The following PDE3A variants were observed in gnomAD, a reference collection of about 807,000 sequenced individuals.
The protein encoded by PDE3A is phosphodiesterase 3A.
PDE3A carries 43 observed loss-of-function variants against 98.3 expected under a neutral mutation model. That is an observed-to-expected ratio of 0.44 (90% CI 0.34 to 0.56). PDE3A has a LOEUF of 0.56. Among genes scored for constraint, PDE3A ranks in the 20% least tolerant of loss-of-function variants. The pLI, the probability that PDE3A is intolerant of heterozygous loss-of-function variation, is 0.01. For synonymous variants in PDE3A, 663 were observed against 567.9 expected, an observed-to-expected ratio of 1.17 and a Z score of -2.38; for missense variants, 1,427 against 1,440.7, an observed-to-expected ratio of 0.99 and a Z score of 0.15.
At chr12:20,554,858 G>A (rs1413202205) in intron 1 of PDE3A, among the ~76,000 whole-genome samples, 1 of 151,866 alleles carries the variant, frequency 6.6e-6, no homozygotes, top group Non-Finnish European at 1.5e-5. Flanking sequence ...AAATATTTTT[G>A]ATGTTTTCTT....
At chr12:20,449,923 G>T in intron 1 of PDE3A, 1 of 802,988 alleles carries the variant, frequency 1.2e-6, no homozygotes, top group Non-Finnish European at 2.0e-6. Context: ...GAACTCTGCT[G>T]GAAAGTTGAT....
chr12:20,516,010 G>C (rs962029734), intron 1 of PDE3A, among the ~76,000 whole-genome samples: 9 of 151,066 alleles, frequency 6.0e-5, no homozygotes, highest in African/African-American at 2.2e-4. Flanking sequence ...GGGATTACAG[G>C]CGTGAGCCAC....
intron 2 of PDE3A, among the ~76,000 whole-genome samples, chr12:20,583,383 A>G (rs1025887359): frequency 2.0e-5 from 3 of 152,244 alleles, no homozygotes; most frequent in Admixed American, 6.5e-5. Context: ...AGTGATTTCT[A>G]TACTGACCTC....
chr12:20,525,198 G>T (rs893602307), intron 1 of PDE3A, among the ~76,000 whole-genome samples: 3 of 152,124 alleles, frequency 2.0e-5, no homozygotes, highest in Non-Finnish European at 4.4e-5. Flanking sequence ...TTCTCCCTGT[G>T]CGTCAGTTTC....
At chr12:20,557,608 TG>T (rs1942403972) in intron 2 of PDE3A, among the ~76,000 whole-genome samples, 1 of 152,212 alleles carries the variant, frequency 6.6e-6, no homozygotes, top group African/African-American at 2.4e-5. Context: ...TTCTCCCAAG[TG>T]TTTACAAAGC....
intron 1 of PDE3A, among the ~76,000 whole-genome samples, chr12:20,438,442 T>C (rs1009730438): frequency 1.3e-5 from 2 of 152,210 alleles, no homozygotes; most frequent in Non-Finnish European, 2.9e-5. Context: ...TATTTTCAGA[T>C]GTTGACATTG....
intron 1 of PDE3A, among the ~76,000 whole-genome samples, chr12:20,373,231 A>G (rs1221188917): frequency 2.0e-5 from 3 of 152,022 alleles, no homozygotes; most frequent in Non-Finnish European, 4.4e-5. Context: ...TTTGTAGATG[A>G]GTGTGTCAAA....
rs531463560 is a variant in PDE3A at position 20,488,906 on chromosome 12, A to T, written c.961-67754A>T. On this transcript the variant is annotated intron_variant, in intron 1 of 15. Coordinates refer to ENST00000359062, the MANE Select transcript of PDE3A (RefSeq NM_000921.5). ...AAAAAAAAAAAAAAAGAGAAAAAGA[A>T]GCAGTTCCCCTAATGATTCTGGATC... is the stretch of plus-strand genomic sequence containing the variant. Among the ~76,000 whole-genome samples, 13 of 151,766 alleles carry T rather than the reference A, an allele frequency of 8.6e-5. No individual in the cohort carries two copies. The South Asian group carries it at 2.5e-3, about 29-fold the overall frequency.
At chr12:20,396,911 G>T (rs147900317) in intron 1 of PDE3A, among the ~76,000 whole-genome samples, 390 of 152,140 alleles carry the variant, frequency 2.6e-3, no homozygotes, top group African/African-American at 8.2e-3. Context: ...GAAGTGGTCA[G>T]AAAGCCTGGA....
At chr12:20,592,438 A>G (rs1943361815) in intron 2 of PDE3A, among the ~76,000 whole-genome samples, 1 of 152,130 alleles carries the variant, frequency 6.6e-6, no homozygotes, top group Non-Finnish European at 1.5e-5. Context: ...TCAAACGACT[A>G]TGCTAGCAAT....
At position 20,639,869 on chromosome 12, in the gene PDE3A, C is replaced by T; in HGVS notation, c.2163C>T (p.Asp721=). The T allele has an allele frequency of 6.4e-7, 1 of 1,571,564 alleles. No individual in the cohort carries two copies. Among genetic ancestry groups the T allele is most frequent in the Non-Finnish European group, 8.8e-7 (1 of 1,141,988 alleles). The change falls in exon 10 of 16, where the codon GAC becomes GAT. Residue 721 remains aspartate (D), a synonymous_variant. Transcript: ENST00000359062. ...LSQVSYRLFE[D]MGLFEAFKIP... ...AGGTATCTTACAGACTTTTTGAAGA[C>T]ATGGGCCTCTTTGAAGCTTTTAAAA... is the stretch of plus-strand genomic sequence containing the variant.
At chr12:20,469,990 GA>G in intron 1 of PDE3A, among the ~76,000 whole-genome samples, 1 of 152,146 alleles carries the variant, frequency 6.6e-6, no homozygotes, top group African/African-American at 2.4e-5. Flanking sequence ...ATGACTCTGG[GA>G]AATTGCATCT....
intron 1 of PDE3A, among the ~76,000 whole-genome samples, chr12:20,429,907 A>G (rs768369061): frequency 1.3e-5 from 2 of 152,076 alleles, no homozygotes; most frequent in East Asian, 1.9e-4. Flanking sequence ...CCAAATGCCA[A>G]CATCTGCTAC....
At chr12:20,678,967 G>A (rs1180195722) in intron 15 of PDE3A, among the ~76,000 whole-genome samples, 1 of 152,084 alleles carries the variant, frequency 6.6e-6, no homozygotes, top group Non-Finnish European at 1.5e-5. Context: ...TAAAGATAAG[G>A]AGAAGAAAAA....
At chr12:20,388,158 C>A (rs1037142027) in intron 1 of PDE3A, among the ~76,000 whole-genome samples, 2 of 151,986 alleles carry the variant, frequency 1.3e-5, no homozygotes, top group Admixed American at 1.3e-4. Flanking sequence ...GGAAATTGCA[C>A]CTCCAGGTGC....
At chr12:20,390,776 A>G (rs1409024871) in intron 1 of PDE3A, among the ~76,000 whole-genome samples, 1 of 151,936 alleles carries the variant, frequency 6.6e-6, no homozygotes, top group Non-Finnish European at 1.5e-5. Context: ...ACGTTAGTTC[A>G]CCGTATTTTC....
At chr12:20,519,123 C>T (rs1946376802) in intron 1 of PDE3A, among the ~76,000 whole-genome samples, 1 of 152,148 alleles carries the variant, frequency 6.6e-6, no homozygotes, top group East Asian at 1.9e-4. Context: ...CTAAATGTGG[C>T]TCCTTATGGA....
At chr12:20,564,174 C>G (rs1175051870) in intron 2 of PDE3A, among the ~76,000 whole-genome samples, 1 of 152,072 alleles carries the variant, frequency 6.6e-6, no homozygotes, top group Non-Finnish European at 1.5e-5. Context: ...CATCCCTGGT[C>G]TCTACCTAGT....
chr12:20,603,156 GA>G (rs1407471475), intron 2 of PDE3A, among the ~76,000 whole-genome samples: 1 of 152,162 alleles, frequency 6.6e-6, no homozygotes, highest in Non-Finnish European at 1.5e-5. Flanking sequence ...AGTTGGATGA[GA>G]AAAGCCCCAG....
Sources: allele counts gnomAD v4.1 joint callset (sites outside exome capture counted in the v4.1 genomes callset), GRCh38; gene constraint gnomAD v4.1.1; transcripts MANE v1.5; gene names NCBI Gene and HGNC (gene_info 2026-07-23, HGNC 2026-07-21).